Variants in ADGRB3 observed in about 807,000 individuals in gnomAD.
The protein encoded by ADGRB3 is adhesion G protein-coupled receptor B3.
ADGRB3 carries 37 observed loss-of-function variants against 193.4 expected under a neutral mutation model. The ratio of observed to expected loss-of-function variants is 0.19; its 90% CI spans 0.15 to 0.25. ADGRB3 has a LOEUF of 0.25. Among genes scored for constraint, ADGRB3 ranks in the 10% least tolerant of loss-of-function variants. ADGRB3 has a pLI of 1.00. For missense variants in ADGRB3, 1,637 were observed against 1,852.9 expected, an observed-to-expected ratio of 0.88 and a Z score of 2.14; for synonymous variants, 690 against 644.2, an observed-to-expected ratio of 1.07 and a Z score of -1.08.
intron 3 of ADGRB3, among the ~76,000 whole-genome samples, chr6:68,690,157 A>G (rs1020766682): frequency 6.6e-6 from 1 of 152,130 alleles, no homozygotes; most frequent in Non-Finnish European, 1.5e-5. Flanking sequence ...GTCTTAGGTC[A>G]TTGAATGTAC....
rs115544105 is a variant in ADGRB3 at position 68,902,567 on chromosome 6, A to G, written c.758-27992A>G. Among the ~76,000 whole-genome samples, 810 of 152,222 alleles carry G rather than the reference A, an allele frequency of 5.3e-3. 7 individuals are homozygous for G. Among genetic ancestry groups the G allele is most frequent in the African/African-American group, 0.018 (762 of 41,572 alleles). ...AAAACTTAACAGGTAAGATACTATT[A>G]GTTCAGATTTCAACACTAAAGTTGT... is the stretch of plus-strand genomic sequence containing the variant. On this transcript the variant is annotated intron_variant, in intron 3 of 31. Coordinates refer to ENST00000370598, the MANE Select transcript of ADGRB3 (RefSeq NM_001704.3).
At chr6:68,867,201 G>A (rs1302936317) in intron 3 of ADGRB3, among the ~76,000 whole-genome samples, 2 of 152,144 alleles carry the variant, frequency 1.3e-5, no homozygotes, top group Non-Finnish European at 2.9e-5. Flanking sequence ...GCTAGTCCCA[G>A]GGTGCTGCTT....
At chr6:68,932,985 TTTTAAAAAGAGTAA>T (rs1767383713) in intron 4 of ADGRB3, among the ~76,000 whole-genome samples, 6 of 150,764 alleles carry the variant, frequency 4.0e-5, no homozygotes, top group African/African-American at 1.5e-4. Flanking sequence ...AGTGTGACTT[TTTTAAAAAGAGTAA>T]CATTTGATAA....
chr6:69,114,800 T>C (rs1185599200), intron 17 of ADGRB3, among the ~76,000 whole-genome samples: 1 of 152,210 alleles, frequency 6.6e-6, no homozygotes, highest in Non-Finnish European at 1.5e-5. Flanking sequence ...TTGTCAGGTT[T>C]GTCAAAGATC....
intron 17 of ADGRB3, among the ~76,000 whole-genome samples, chr6:69,085,569 A>AT (rs569932817): frequency 0.026 from 3,873 of 149,496 alleles, 57 homozygotes; most frequent in Non-Finnish European, 0.04. Context: ...ACTCAGACTA[A>AT]TTTTTTTTTT....
chr6:69,103,395 C>T (rs1189155206), intron 17 of ADGRB3, among the ~76,000 whole-genome samples: 2 of 152,084 alleles, frequency 1.3e-5, no homozygotes, highest in Admixed American at 1.3e-4. Context: ...GCTTAGACAA[C>T]CAAATTAAAC....
chr6:69,128,212 G>C (rs1024980659), intron 17 of ADGRB3, among the ~76,000 whole-genome samples: 1 of 152,092 alleles, frequency 6.6e-6, no homozygotes, highest in African/African-American at 2.4e-5. Flanking sequence ...ACTGTCACCT[G>C]TCTACTCATA....
At chr6:69,090,898 C>T (rs1772686414) in intron 17 of ADGRB3, among the ~76,000 whole-genome samples, 1 of 152,042 alleles carries the variant, frequency 6.6e-6, no homozygotes, top group Non-Finnish European at 1.5e-5. Context: ...CATATTCTCA[C>T]TATTAGAAAG....
chr6:69,031,365 C>CTGGGATGTGAGAGGGATGTGAGA (rs1770678272), intron 13 of ADGRB3, among the ~76,000 whole-genome samples: 1 of 149,348 alleles, frequency 6.7e-6, no homozygotes, highest in Non-Finnish European at 1.5e-5. Flanking sequence ...GATGTGAACC[C>CTGGGATGTGAGAGGGATGTGAGA]GGGATGCAGA....
chr6:69,329,046 A>T (rs1014952698), intron 22 of ADGRB3, among the ~76,000 whole-genome samples: 10 of 151,456 alleles, frequency 6.6e-5, no homozygotes, highest in Non-Finnish European at 1.3e-4. Context: ...GGGAAAAAAT[A>T]AAAGATATAC....
intron 3 of ADGRB3, among the ~76,000 whole-genome samples, chr6:68,791,901 T>C (rs1176470461): frequency 6.6e-6 from 1 of 152,016 alleles, no homozygotes; most frequent in Non-Finnish European, 1.5e-5. Flanking sequence ...TTGGCAAGCA[T>C]GAAAAGACAA....
At chr6:68,672,513 A>C (rs1768989445) in intron 3 of ADGRB3, among the ~76,000 whole-genome samples, 1 of 152,048 alleles carries the variant, frequency 6.6e-6, no homozygotes, top group Admixed American at 6.6e-5. Context: ...ATTTAATAAA[A>C]TTTAACTTAA....
chr6:69,321,944 T>A (rs1768464243), intron 20 of ADGRB3, among the ~76,000 whole-genome samples: 1 of 151,824 alleles, frequency 6.6e-6, no homozygotes, highest in Non-Finnish European at 1.5e-5. Context: ...GTTGTACAGA[T>A]TATTTATCAC....
intron 3 of ADGRB3, among the ~76,000 whole-genome samples, chr6:68,792,736 T>C (rs1290633153): frequency 6.6e-6 from 1 of 152,192 alleles, no homozygotes; most frequent in East Asian, 1.9e-4. Context: ...TTTGTCTCTG[T>C]TGGGCAGAAA....
chr6:68,886,028 G>A (rs1765897790), intron 3 of ADGRB3, among the ~76,000 whole-genome samples: 1 of 152,096 alleles, frequency 6.6e-6, no homozygotes, highest in Non-Finnish European at 1.5e-5. Context: ...GACCCTCAAG[G>A]AAAAGTGAAG....
chr6:69,307,908 A>G (rs1433017197), intron 20 of ADGRB3, among the ~76,000 whole-genome samples: 1 of 151,428 alleles, frequency 6.6e-6, no homozygotes, highest in East Asian at 1.9e-4. Context: ...GATTCAAGTT[A>G]TGTATTAAAT....
chr6:68,873,212 A>C (rs12529174), intron 3 of ADGRB3, among the ~76,000 whole-genome samples: 14,240 of 152,196 alleles, frequency 0.094, 886 homozygotes, highest in Non-Finnish European at 0.13. Context: ...GTCTTAAAAT[A>C]GGTGGTATTA....
chr6:69,268,513 G>A (rs1375337551), intron 20 of ADGRB3, among the ~76,000 whole-genome samples: 2 of 152,056 alleles, frequency 1.3e-5, no homozygotes, highest in Admixed American at 1.3e-4. Flanking sequence ...ACATTTTAAG[G>A]CAGCCAGAGG....
intron 3 of ADGRB3, among the ~76,000 whole-genome samples, chr6:68,760,289 T>C (rs1766373652): frequency 6.6e-6 from 1 of 152,084 alleles, no homozygotes; most frequent in Admixed American, 6.6e-5. Flanking sequence ...CTCAAGGACA[T>C]TTCTCCCCTA....
Sources: gnomAD v4.1 joint callset for allele counts (sites outside exome capture counted in the v4.1 genomes callset) on GRCh38, gnomAD v4.1.1 for gene constraint, MANE v1.5 for transcripts, NCBI Gene and HGNC (gene_info 2026-07-23, HGNC 2026-07-21) for gene names.